Variants in SEMA3F observed in about 807,000 individuals in gnomAD.
SEMA3F encodes semaphorin 3F.
In SEMA3F, 30 loss-of-function variants were observed where a neutral mutation model predicts 98.5. That is an observed-to-expected ratio of 0.30 (90% confidence interval 0.23 to 0.41). The LOEUF is 0.41. SEMA3F is among the 10% of genes least tolerant of loss of function. The probability of loss-of-function intolerance (pLI) is 1.00; values close to 1 mark genes in which losing one functional copy is unlikely to be tolerated. For synonymous variants in SEMA3F, 380 were observed against 444.8 expected (o/e 0.85, Z 1.83); for missense variants, 866 against 1,119.3 (o/e 0.77, Z 3.23).
rs778408005 is a variant in SEMA3F at position 50,183,542 on chromosome 3, T to C, written c.1211T>C (p.Met404Thr). 1 of 1,614,056 alleles carries C rather than the reference T, an allele frequency of 6.2e-7. No homozygotes were observed. Among genetic ancestry groups the C allele is most frequent in the Admixed American group, 1.7e-5 (1 of 60,030 alleles). Reference protein sequence around the residue: ...NYQWMPFSGKMPYPRPGTCPG... With the variant: ...NYQWMPFSGKTPYPRPGTCPG... ...CAGTGGATGCCCTTCTCAGGGAAGA[T>C]GCCCTACCCACGGCCGGGCACGGTA... The change falls in exon 12 of 19, where the codon ATG becomes ACG. Residue 404 changes from methionine (M) to threonine (T), a missense_variant. Met to Thr is a moderately conservative substitution (Grantham distance 81). This residue lies in a region of SEMA3F where 374 missense variants were observed against 582.8 expected (regional missense o/e 0.64). Coordinates refer to ENST00000002829, the MANE Select transcript of SEMA3F (RefSeq NM_004186.5).
At chr3:50,173,324 T>C (rs1397172636) in intron 2 of SEMA3F, 1 of 163,720 alleles carries the variant, frequency 6.1e-6, no homozygotes, top group Admixed American at 5.9e-5. Context: ...ATACAAAAAT[T>C]AGCTAGGCGT....
chr3:50,167,162 G>A (rs1698435546), intron 2 of SEMA3F, among the ~76,000 whole-genome samples: 1 of 152,158 alleles, frequency 6.6e-6, no homozygotes, highest in African/African-American at 2.4e-5. Context: ...TTGCCCAGCT[G>A]GTGAATGCCC....
intron 18 of SEMA3F, among the ~76,000 whole-genome samples, chr3:50,187,371 C>T (rs1209972791): frequency 1.4e-5 from 2 of 145,820 alleles, no homozygotes; most frequent in Non-Finnish European, 3.0e-5. Context: ...TGCAGTAAAC[C>T]GAGATCATTC....
chr3:50,163,910 C>T (rs555958333), intron 2 of SEMA3F, among the ~76,000 whole-genome samples: 35 of 152,318 alleles, frequency 2.3e-4, no homozygotes, highest in African/African-American at 8.2e-4. Flanking sequence ...GCCCAGATCC[C>T]TTGAGGCCAG....
chr3:50,169,086 G>A (rs1016099277), intron 2 of SEMA3F, among the ~76,000 whole-genome samples: 6 of 152,148 alleles, frequency 3.9e-5, no homozygotes, highest in South Asian at 2.1e-4. Context: ...CAAGGGGGCG[G>A]GCTGCCCACC....
chr3:50,174,988 G>A lies in SEMA3F; in HGVS notation c.457-108G>A, dbSNP rs541625815. On this transcript the variant is annotated intron_variant, in intron 5 of 18. Transcript: ENST00000002829. ...CATAGACGTGCTCTGGGGGGCCCAC[G>A]TGTTCACGTGTGTTCCTGGCCTGTG... The A allele has an allele frequency of 1.4e-5, 10 of 739,036 alleles. No individual in the cohort carries two copies. The East Asian group carries it at 1.9e-4, about 14-fold the overall frequency. 45.8% of individuals were successfully genotyped at this position (739,036 alleles called of 1,614,324 possible).
At chr3:50,187,597 C>A in intron 18 of SEMA3F, 108 bp from the exon 19 acceptor site, 1 of 838,850 alleles carries the variant, frequency 1.2e-6, no homozygotes, top group Non-Finnish European at 1.8e-6. Flanking sequence ...GGAAATCCCA[C>A]ATGGGTGCCT....
intron 2 of SEMA3F, among the ~76,000 whole-genome samples, chr3:50,160,008 A>G (rs1174062943): frequency 6.6e-6 from 1 of 152,130 alleles, no homozygotes; most frequent in African/African-American, 2.4e-5. Context: ...TGAGGTCTGT[A>G]GGGCATGTCT....
At chr3:50,187,502 T>G (rs967651671) in intron 18 of SEMA3F, among the ~76,000 whole-genome samples, 2 of 149,384 alleles carry the variant, frequency 1.3e-5, no homozygotes, top group Non-Finnish European at 3.0e-5. Context: ...CTTATGGTCA[T>G]CACTCCTGAA....
rs1363105247 is a variant in SEMA3F, at chr3:50,184,693, G to C, written c.1335G>C (p.Val445=). The C allele has an allele frequency of 6.2e-7, 1 of 1,614,038 alleles. No individual in the cohort carries two copies. Among genetic ancestry groups the C allele is most frequent in the East Asian group, 2.2e-5 (1 of 44,906 alleles). Residue 445 remains valine (V), a synonymous_variant, in exon 13 of 19, where the codon GTG becomes GTC. Coordinates refer to ENST00000002829, the MANE Select transcript of SEMA3F (RefSeq NM_004186.5). ...MRSHPLMYQA[V]YPLQRRPLVV... The stretch of plus-strand genomic sequence containing the variant: ...GCCACCCACTCATGTACCAGGCCGT[G>C]TACCCTCTGCAGCGGCGGCCCCTGG...
In SEMA3F at chr3:50,187,915, G is replaced by T. The variant is rs779644860; in HGVS notation, c.2158G>T (p.Ala720Ser). 6.2e-6 allele frequency: 10 copies of T among 1,607,230 alleles called. No homozygotes were observed. Among genetic ancestry groups the T allele is most frequent in the East Asian group, 4.5e-5 (2 of 44,620 alleles). The change falls in exon 19 of 19, where the codon GCA (alanine) becomes TCA (serine). Residue 720 changes from alanine to serine, a missense_variant. Coordinates refer to ENST00000002829, the MANE Select transcript of SEMA3F (RefSeq NM_004186.5). The stretch of plus-strand genomic sequence containing the variant: ...CATGAGCGCCCCGCCACCCCCAGGC[G>T]CAGGCCCCCCAACGCCTCCTTACCA... ...LSMSAPPPPG[A>S]GPPTPPYQEL...
In SEMA3F at chr3:50,182,740, C is replaced by T. The variant is rs748290614; in HGVS notation, c.860C>T (p.Pro287Leu). 25 of 1,613,190 alleles carry T rather than the reference C, an allele frequency of 1.5e-5. No homozygotes were observed. The highest frequency in any genetic ancestry group is 6.7e-5 in the Admixed American group (4 of 60,018). The part of the protein sequence containing the change: ...FFFRERSAEA[P>L]QSPAVYARIG... Reference sequence around the variant, plus strand: ...TTCCGTGAGCGGTCGGCAGAGGCGCCGCAGAGCCCCGCGGTGTACGCCCGC... The same window carrying T: ...TTCCGTGAGCGGTCGGCAGAGGCGCTGCAGAGCCCCGCGGTGTACGCCCGC... Residue 287 changes from proline (P) to leucine (L), a missense_variant, in exon 9 of 19, where the codon CCG (proline) becomes CTG (leucine). By Grantham distance (98) the Pro-to-Leu change is moderately conservative. Around this residue, in one of 3 missense-constraint regions of SEMA3F, gnomAD observed 374 missense variants for 582.8 expected, o/e 0.64. Coordinates refer to ENST00000002829, the MANE Select transcript of SEMA3F (RefSeq NM_004186.5). This position sits in a 1 kb window ranked among gnomAD's most constrained non-coding sequence, Gnocchi z 4.5.
Position 50,182,544 on chromosome 3 carries a change from G to C in SEMA3F, c.764-100G>C. The C allele has an allele frequency of 6.3e-7, 1 of 1,575,182 alleles. No homozygotes were observed. The highest frequency in any genetic ancestry group is 8.7e-7 in the Non-Finnish European group (1 of 1,154,228). On this transcript the variant is annotated intron_variant, in intron 8 of 18. Coordinates refer to ENST00000002829, the MANE Select transcript of SEMA3F (RefSeq NM_004186.5). The surrounding 1 kb of genome is among the most constrained non-coding windows in gnomAD (Gnocchi z 4.5). ...CAGGGGTAGTTTCTTATCTGGAGAG[G>C]AGTTGGGGGTGTTCTTGCACCTGGC... is the stretch of plus-strand genomic sequence containing the variant.
chr3:50,183,437 C>T lies in SEMA3F; in HGVS notation c.1106C>T (p.Ser369Phe). 1 of 1,614,112 alleles carries T rather than the reference C, an allele frequency of 6.2e-7. No individual in the cohort carries two copies. The highest frequency in any genetic ancestry group is 8.5e-7 in the Non-Finnish European group (1 of 1,180,012). ...GCCCACAGCTCCGTGTTCCGAGGCTCTGCCGTGTGTGTCTACTCCATGGCT... is the reference window on the plus strand; with the variant it reads ...GCCCACAGCTCCGTGTTCCGAGGCTTTGCCGTGTGTGTCTACTCCATGGCT... Reference protein sequence around the residue: ...FTSSGSVFRGSAVCVYSMADI... With the variant: ...FTSSGSVFRGFAVCVYSMADI... Residue 369 changes from serine (S) to phenylalanine (F), a missense_variant, in exon 12 of 19, where the codon TCT becomes TTT. Coordinates refer to ENST00000002829, the MANE Select transcript of SEMA3F (RefSeq NM_004186.5).
chr3:50,168,555 C>A (rs1428364395), intron 2 of SEMA3F, among the ~76,000 whole-genome samples: 2 of 152,136 alleles, frequency 1.3e-5, no homozygotes, highest in African/African-American at 4.8e-5. Flanking sequence ...CTCCCTGCCC[C>A]CCCGCTTAGC....
rs530686755 is a variant in SEMA3F, at chr3:50,188,965, T to G, written c.*850T>G. Reference sequence around the variant, plus strand: ...GGGGATGGGTGTGGATGTAATTAGCTCTGGGGGGCAGTTGGGTAGATGGGT... The same window carrying G: ...GGGGATGGGTGTGGATGTAATTAGCGCTGGGGGGCAGTTGGGTAGATGGGT... On this transcript the variant is annotated 3_prime_UTR_variant, in exon 19 of 19. Transcript: ENST00000002829. This position sits in a 1 kb window ranked among gnomAD's most constrained non-coding sequence, Gnocchi z 4.5. 1 of 152,090 alleles carries G rather than the reference T, an allele frequency of 6.6e-6. No homozygotes were observed. Among genetic ancestry groups the G allele is most frequent in the Non-Finnish European group, 1.5e-5 (1 of 68,036 alleles). 9.4% of individuals were successfully genotyped at this position (152,090 alleles called of 1,614,324 possible). A position where few individuals can be genotyped will look rare whatever the true frequency, so the allele number is the denominator to read the frequency against.
At chr3:50,155,318 G>A, upstream of SEMA3F, 1 of 309,096 alleles carries the variant, frequency 3.2e-6, no homozygotes, top group Non-Finnish European at 5.9e-6. This position sits in a 1 kb window ranked among gnomAD's most constrained non-coding sequence, Gnocchi z 4.9. Context: ...CAGGGGAGGC[G>A]GCCCCGAGCG....
intron 7 of SEMA3F, among the ~76,000 whole-genome samples, chr3:50,178,829 CTTT>C (rs1226887922): frequency 2.7e-5 from 2 of 75,154 alleles, no homozygotes; most frequent in African/African-American, 5.0e-5. Flanking sequence ...AATTCTTTTT[CTTT>C]TTTTTTTTTT....
chr3:50,164,659 A>C (rs566856674), intron 2 of SEMA3F, among the ~76,000 whole-genome samples: 100 of 152,260 alleles, frequency 6.6e-4, no homozygotes, highest in African/African-American at 2.1e-3. Flanking sequence ...ACCCAGTTCT[A>C]CCAGTGTTAG....
Sources: allele counts gnomAD v4.1 joint callset (sites outside exome capture counted in the v4.1 genomes callset), GRCh38; gene constraint gnomAD v4.1.1; regional missense constraint gnomAD v4.1.1; non-coding constraint Gnocchi (gnomAD v3.1); transcripts MANE v1.5; gene names NCBI Gene and HGNC (gene_info 2026-07-23, HGNC 2026-07-21).